RTN1: variants seen among roughly 807,000 people sequenced by gnomAD.
RTN1 encodes the protein reticulon 1, also known as reticulon-1.
Under a neutral mutation model 65.5 loss-of-function variants are expected in RTN1, and 25 were observed. The observed-to-expected ratio is 0.38, with a 90% CI of 0.28 to 0.53. The LOEUF (loss-of-function observed/expected upper bound fraction) is 0.53, where lower values mean the gene tolerates loss of function less well. Ranked by LOEUF, RTN1 falls within the 20% of genes least tolerant of loss-of-function variation. RTN1 has a pLI of 0.79. For synonymous variants in RTN1, 471 were observed against 447.6 expected (o/e 1.05, Z -0.66); for missense variants, 983 against 1,025.4 (o/e 0.96, Z 0.57).
intron 3 of RTN1, among the ~76,000 whole-genome samples, chr14:59,675,549 A>G (rs1231875205): frequency 1.2e-5 from 1 of 81,932 alleles, no homozygotes; most frequent in Non-Finnish European, 2.7e-5. Flanking sequence ...AATTGTAAAA[A>G]TAAATAATTT....
At chr14:59,695,426 C>T (rs1288285434) in intron 3 of RTN1, among the ~76,000 whole-genome samples, 1 of 152,178 alleles carries the variant, frequency 6.6e-6, no homozygotes, top group East Asian at 1.9e-4. Context: ...GAAGCCTAAA[C>T]GTGACTGTGT....
chr14:59,748,914 C>T (rs146898181), intron 1 of RTN1, among the ~76,000 whole-genome samples: 2,899 of 151,576 alleles, frequency 0.019, 108 homozygotes, highest in African/African-American at 0.066. Context: ...CTCAGCCTCC[C>T]GAATAGCTGA....
chr14:59,599,357 C>G (rs1000242844), intron 8 of RTN1, among the ~76,000 whole-genome samples: 1 of 152,176 alleles, frequency 6.6e-6, no homozygotes, highest in Non-Finnish European at 1.5e-5. Context: ...TTGCCATCTT[C>G]TGAATTTGCT....
chr14:59,708,390 T>C (rs1452682902), intron 3 of RTN1, among the ~76,000 whole-genome samples: 1 of 152,252 alleles, frequency 6.6e-6, no homozygotes, highest in Non-Finnish European at 1.5e-5. Context: ...TCAGATAATG[T>C]TGAAATACAG....
Position 59,605,417 on chromosome 14 carries a change from T to G in RTN1, c.2063A>C (p.Lys688Thr), listed in dbSNP as rs948428137. 1.9e-6 allele frequency: 3 copies of G among 1,614,178 alleles called. No homozygotes were observed. The highest frequency in any genetic ancestry group is 2.5e-6 in the Non-Finnish European group (3 of 1,180,008). ...GACAAGGAAGAGCCTCCTCAGTTCC[T>G]TAAGTGTGCTGTTCACGTAGAACTG... ...CLQFYVNSTL[K>T]ELRRLFLVQD... Residue 688 changes from lysine to threonine, a missense_variant, in exon 5 of 9, where the codon AAG (lysine) becomes ACG (threonine). Lys to Thr is a moderately conservative substitution (Grantham distance 78). This residue lies in a region of RTN1 where 165 missense variants were observed against 223.6 expected (regional missense o/e 0.74). Coordinates refer to ENST00000267484, the MANE Select transcript of RTN1 (RefSeq NM_021136.3).
At chr14:59,669,479 A>T (rs961712739) in intron 3 of RTN1, among the ~76,000 whole-genome samples, 9 of 152,208 alleles carry the variant, frequency 5.9e-5, no homozygotes, top group Admixed American at 5.9e-4. Flanking sequence ...TGGGGGAGGG[A>T]TAGCATTAGG....
At chr14:59,750,951 C>G (rs1435859755) in intron 1 of RTN1, among the ~76,000 whole-genome samples, 1 of 149,854 alleles carries the variant, frequency 6.7e-6, no homozygotes, top group Non-Finnish European at 1.5e-5. Context: ...CTCCTGGGCT[C>G]AAATGATCCT....
At chr14:59,832,225 C>CA (rs1348098976) in intron 1 of RTN1, among the ~76,000 whole-genome samples, 5 of 152,106 alleles carry the variant, frequency 3.3e-5, no homozygotes, top group Non-Finnish European at 7.4e-5. Context: ...GTATGATAAA[C>CA]AAATAACCAA....
At chr14:59,716,777 GA>G (rs1884542311) in intron 3 of RTN1, among the ~76,000 whole-genome samples, 1 of 148,234 alleles carries the variant, frequency 6.7e-6, no homozygotes, top group Admixed American at 6.8e-5. Context: ...CTAACACGGT[GA>G]AATCCCATCC....
At chr14:59,641,410 C>T (rs1481236956) in intron 3 of RTN1, among the ~76,000 whole-genome samples, 1 of 152,032 alleles carries the variant, frequency 6.6e-6, no homozygotes. Context: ...CACTCTGTCA[C>T]CCAGGCTGGA....
intron 3 of RTN1, among the ~76,000 whole-genome samples, chr14:59,622,106 C>T (rs369947662): frequency 1.4e-4 from 21 of 152,290 alleles, no homozygotes; most frequent in African/African-American, 4.1e-4. Context: ...GAGGCTGAGG[C>T]GGGCGGATCA....
intron 3 of RTN1, among the ~76,000 whole-genome samples, chr14:59,658,726 T>A (rs528397910): frequency 1.3e-5 from 2 of 152,120 alleles, no homozygotes; most frequent in Non-Finnish European, 2.9e-5. Context: ...CTCCATCCGA[T>A]GGTCACCAAC....
At chr14:59,775,700 C>A (rs1037377642) in intron 1 of RTN1, among the ~76,000 whole-genome samples, 17 of 152,020 alleles carry the variant, frequency 1.1e-4, no homozygotes, top group South Asian at 2.1e-4. Context: ...ATCTCCAGAC[C>A]AAAAATAAAA....
At chr14:59,755,156 G>A (rs1673227214) in intron 1 of RTN1, among the ~76,000 whole-genome samples, 1 of 151,914 alleles carries the variant, frequency 6.6e-6, no homozygotes, top group African/African-American at 2.4e-5. Context: ...CTGAAATGGA[G>A]ACATAGAAAA....
At chr14:59,655,112 C>T (rs1883096556) in intron 3 of RTN1, among the ~76,000 whole-genome samples, 1 of 152,096 alleles carries the variant, frequency 6.6e-6, no homozygotes, top group South Asian at 2.1e-4. Flanking sequence ...CAGCAGTTTA[C>T]AGAATACAAA....
intron 3 of RTN1, among the ~76,000 whole-genome samples, chr14:59,610,392 T>C (rs924175335): frequency 6.6e-6 from 1 of 152,232 alleles, no homozygotes; most frequent in Non-Finnish European, 1.5e-5. Context: ...CTGGACACTT[T>C]GCAACAATAT....
chr14:59,760,368 C>T (rs1245633045), intron 1 of RTN1, among the ~76,000 whole-genome samples: 4 of 152,138 alleles, frequency 2.6e-5, no homozygotes, highest in African/African-American at 4.8e-5. Flanking sequence ...AGAGAGTATA[C>T]AAGAAACCAA....
chr14:59,869,588 G>T (rs893769693), intron 1 of RTN1, among the ~76,000 whole-genome samples: 2 of 131,140 alleles, frequency 1.5e-5, no homozygotes, highest in South Asian at 2.9e-4. Context: ...GTGGGGGGGG[G>T]GGGGCGCTTA....
intron 3 of RTN1, among the ~76,000 whole-genome samples, chr14:59,722,900 TG>T (rs2139470561): frequency 6.6e-6 from 1 of 151,676 alleles, no homozygotes; most frequent in Admixed American, 6.6e-5. Flanking sequence ...TGGGCTCAAG[TG>T]ATCCTCCCAC....
Sources: allele counts gnomAD v4.1 joint callset (sites outside exome capture counted in the v4.1 genomes callset), GRCh38; gene constraint gnomAD v4.1.1; regional missense constraint gnomAD v4.1.1; transcripts MANE v1.5; gene names NCBI Gene and HGNC (gene_info 2026-07-23, HGNC 2026-07-21).